Variants in CAGE1 observed in about 807,000 individuals in gnomAD.
The protein encoded by CAGE1 is cancer antigen 1.
A neutral mutation model predicts 94.9 loss-of-function variants in CAGE1; 66 were observed. The ratio of observed to expected loss-of-function variants is 0.70; its 90% CI spans 0.57 to 0.85. CAGE1 has a LOEUF of 0.85. Among genes scored for constraint, CAGE1 ranks in the 40% least tolerant of loss-of-function variants. CAGE1 has a pLI of 0.00. For missense variants in CAGE1, 865 were observed against 950.4 expected (o/e 0.91, Z 1.18); for synonymous variants, 319 against 321.0 (o/e 0.99, Z 0.07).
intron 13 of CAGE1, among the ~76,000 whole-genome samples, chr6:7,327,947 A>G (rs1236823684): frequency 6.6e-6 from 1 of 152,032 alleles, no homozygotes; most frequent in East Asian, 1.9e-4. Flanking sequence ...AAATAAATAA[A>G]TAAATAAATA....
chr6:7,337,325 GAAAAA>G (rs58144720), intron 11 of CAGE1, among the ~76,000 whole-genome samples: 2 of 81,610 alleles, frequency 2.5e-5, no homozygotes, highest in Admixed American at 1.5e-4. Flanking sequence ...AGACTGTCTC[GAAAAA>G]AAAAAAAAAA....
In CAGE1 at chr6:7,387,255, T is replaced by A. The variant is rs1761153311; in HGVS notation, c.-23-59A>T. 5.7e-6 allele frequency: 5 copies of A among 882,268 alleles called. 1 individual carries two copies. The South Asian group carries it at 8.4e-5, about 15-fold the overall frequency. The allele number at this position is 882,268 out of a possible 1,614,324, so 54.7% of individuals were successfully genotyped here. ...AAACAAAAAGTTTTTTCCCTATCCC[T>A]CTTCTCATTAAGAAAGTAGCAAAGT... On this transcript the variant is annotated intron_variant, in intron 1 of 13. Transcript: ENST00000502583.
In CAGE1 at chr6:7,373,197, T is replaced by C. The variant is rs749801554; in HGVS notation, c.1622A>G (p.Lys541Arg). ...CTGTTTAAGTTTTGCATTCTCATTTTTTACTTCGTTGATTTGCTGCTGAAG... is the reference window on the plus strand; with the variant it reads ...CTGTTTAAGTTTTGCATTCTCATTTCTTACTTCGTTGATTTGCTGCTGAAG... The part of the protein sequence containing the change: ...IKLQQQINEV[K>R]NENAKLKQQV... Residue 541 changes from lysine to arginine, a missense_variant, in exon 5 of 14, where the codon AAA (lysine) becomes AGA (arginine). Physicochemically the swap from Lys to Arg is conservative, Grantham distance 26. Coordinates refer to ENST00000502583, the MANE Select transcript of CAGE1 (RefSeq NM_001170692.2). 1.9e-6 allele frequency: 3 copies of C among 1,613,492 alleles called. No homozygotes were observed. The East Asian group carries it at 6.7e-5, about 36-fold the overall frequency.
chr6:7,354,988 A>G (rs1759900274), intron 11 of CAGE1, 53 bp downstream of exon 11: 1 of 1,262,128 alleles, frequency 7.9e-7, no homozygotes, highest in Admixed American at 1.9e-5. Context: ...GAATCCAGAG[A>G]ATAAGGTATT....
Position 7,365,389 on chromosome 6 carries a change from G to T in CAGE1, c.2193+79C>A, listed in dbSNP as rs1177452056. The T allele has an allele frequency of 1.2e-5, 14 of 1,171,422 alleles. No homozygotes were observed. The African/African-American group carries it at 1.4e-4, about 12-fold the overall frequency. 72.6% of individuals were successfully genotyped at this position (1,171,422 alleles called of 1,614,324 possible). A position where few individuals can be genotyped will look rare whatever the true frequency, so the allele number is the denominator to read the frequency against. On this transcript the variant is annotated intron_variant, in intron 9 of 13. Coordinates refer to ENST00000502583, the MANE Select transcript of CAGE1 (RefSeq NM_001170692.2). ...CTTTTTATAAGCCAGTTTTTTGAAG[G>T]ATGATAACTTCTTAAACTTGCTAGT...
At chr6:7,327,932 A>AAAATAAATAAAT (rs56109246) in intron 13 of CAGE1, among the ~76,000 whole-genome samples, 21,134 of 149,488 alleles carry the variant, frequency 0.14, 1,658 homozygotes, top group South Asian at 0.18. Flanking sequence ...CTCCGTCTAA[A>AAAATAAATAAAT]AAATAAATAA....
chr6:7,351,573 G>GA (rs56766681), intron 11 of CAGE1, among the ~76,000 whole-genome samples: 41,183 of 134,232 alleles, frequency 0.31, 6,385 homozygotes, highest in Non-Finnish European at 0.34. Flanking sequence ...TTTTGGAATA[G>GA]AAAAAAAAAA....
At chr6:7,358,039 T>TATATATAC (rs1419835997) in intron 9 of CAGE1, among the ~76,000 whole-genome samples, 3 of 63,394 alleles carry the variant, frequency 4.7e-5, no homozygotes, top group Non-Finnish European at 8.5e-5. Context: ...TATATATATA[T>TATATATAC]ATATATATAT....
At chr6:7,382,590 C>G (rs1265404707) in intron 3 of CAGE1, among the ~76,000 whole-genome samples, 1 of 150,890 alleles carries the variant, frequency 6.6e-6, no homozygotes, top group Non-Finnish European at 1.5e-5. Flanking sequence ...TATGAGCTAC[C>G]GTGCCCAGCC....
At chr6:7,329,143 G>A (rs759831049) in intron 13 of CAGE1, 1 of 371,716 alleles carries the variant, frequency 2.7e-6, no homozygotes, top group Non-Finnish European at 4.8e-6. Context: ...ATGTTGGTCA[G>A]GCTGGTCTTG....
rs186461643 is a variant in CAGE1 at position 7,357,047 on chromosome 6, G to A, written c.2194-918C>T. Among the ~76,000 whole-genome samples, 4 of 151,920 alleles carry A rather than the reference G, an allele frequency of 2.6e-5. No homozygotes were observed. The South Asian group carries it at 6.3e-4, about 24-fold the overall frequency. On this transcript the variant is annotated intron_variant, in intron 9 of 13. Transcript: ENST00000502583. ...CCTGAGCTCAGGTGATCCGCCCCCC[G>A]TCGGCCTCCCAAAGTGCTGAGATTA...
At position 7,362,973 on chromosome 6, in the gene CAGE1, A is replaced by G. The variant is rs138582235; in HGVS notation, c.2193+2495T>C. ...ACTCATAAATACTTTTCAAAATGTA[A>G]TACTAACAGGCTGGGCATGGTGGCT... On this transcript the variant is annotated intron_variant, in intron 9 of 13. Transcript: ENST00000502583. The surrounding 1 kb of genome is among the most constrained non-coding windows in gnomAD (Gnocchi z 4.1). 5.8e-4 allele frequency among the ~76,000 whole-genome samples: 89 copies of G among 152,250 alleles called. 1 individual carries two copies. Among genetic ancestry groups the G allele is most frequent in the Middle Eastern group, 3.4e-3 (1 of 294 alleles).
intron 12 of CAGE1, chr6:7,331,606 T>TA (rs1758756856): frequency 6.5e-6 from 2 of 307,574 alleles, no homozygotes; most frequent in Non-Finnish European, 1.3e-5. Context: ...TCCAGGTCTG[T>TA]ATGCAACTCT....
intron 3 of CAGE1, among the ~76,000 whole-genome samples, chr6:7,384,267 C>A (rs1220449473): frequency 6.6e-6 from 1 of 152,100 alleles, no homozygotes; most frequent in African/African-American, 2.4e-5. Context: ...TTAGTAGACA[C>A]GGGGTTTCAC....
chr6:7,386,906 G>T (rs183653055), intron 2 of CAGE1, 73 bp downstream of exon 2: 14 of 1,046,664 alleles, frequency 1.3e-5, no homozygotes, highest in Admixed American at 6.7e-5. Context: ...TAGTTTTGAA[G>T]AAATTTTCAT....
chr6:7,374,241 C>T (rs987248566), intron 4 of CAGE1, 110 bp from the exon 5 acceptor site: 5 of 824,760 alleles, frequency 6.1e-6, no homozygotes, highest in Non-Finnish European at 9.5e-6. Context: ...GTTTGGCTTT[C>T]TCCGCTATAA....
intron 3 of CAGE1, 47 bp downstream of exon 3, chr6:7,385,738 A>C (rs752101856): frequency 2.0e-5 from 25 of 1,230,314 alleles, no homozygotes; most frequent in South Asian, 3.0e-5. Flanking sequence ...ACGGAACACA[A>C]AAAAAAGTTT....
At chr6:7,337,774 T>C (rs1311002897) in intron 11 of CAGE1, among the ~76,000 whole-genome samples, 3 of 152,230 alleles carry the variant, frequency 2.0e-5, no homozygotes, top group Non-Finnish European at 4.4e-5. Flanking sequence ...TAAAAAGTCT[T>C]AGAATCAGAG....
chr6:7,349,081 A>G (rs945724732), intron 11 of CAGE1, among the ~76,000 whole-genome samples: 1 of 152,222 alleles, frequency 6.6e-6, no homozygotes. Flanking sequence ...ATTCATCGCA[A>G]AAAGATCATC....
Sources: gnomAD v4.1 joint callset for allele counts (sites outside exome capture counted in the v4.1 genomes callset) on GRCh38, gnomAD v4.1.1 for gene constraint, Gnocchi (gnomAD v3.1) non-coding constraint, MANE v1.5 for transcripts, NCBI Gene and HGNC (gene_info 2026-07-23, HGNC 2026-07-21) for gene names.